MCC: variants seen among roughly 807,000 people sequenced by gnomAD.
MCC encodes the protein colorectal mutant cancer protein.
In MCC, 90 loss-of-function variants were observed where a neutral mutation model predicts 116.2. That is an observed-to-expected ratio of 0.77 (90% CI 0.65 to 0.92). The LOEUF (loss-of-function observed/expected upper bound fraction) is 0.92, where lower values mean the gene tolerates loss of function less well. Among genes scored for constraint, MCC ranks in the 40% least tolerant of loss-of-function variants. The pLI, the probability that MCC is intolerant of heterozygous loss-of-function variation, is 0.00. For synonymous variants in MCC, 578 were observed against 510.5 expected (o/e 1.13, Z -1.78); for missense variants, 1,516 against 1,312.2 (o/e 1.16, Z -2.40).
chr5:113,408,197 G>A (rs183820557), intron 1 of MCC, among the ~76,000 whole-genome samples: 1 of 152,220 alleles, frequency 6.6e-6, no homozygotes, highest in East Asian at 1.9e-4. Flanking sequence ...AGTACAAGTT[G>A]TACCCCTTAG....
intron 2 of MCC, among the ~76,000 whole-genome samples, chr5:113,375,797 C>T (rs752196819): frequency 1.3e-5 from 2 of 149,774 alleles, no homozygotes; most frequent in Non-Finnish European, 3.0e-5. Flanking sequence ...GGCTCCAGAA[C>T]TTGCACAATT....
In MCC at chr5:113,343,058, G is replaced by C. The variant is rs1392742995; in HGVS notation, c.416-2328C>G. Among the ~76,000 whole-genome samples the C allele has an allele frequency of 2.6e-5, 4 of 152,268 alleles. No individual in the cohort carries two copies. In the East Asian group the frequency reaches 5.8e-4, roughly 22 times the overall value. ...GTACTATGAAATGAGAACATATACA[G>C]ATTACTCTATAATTTACTTGAGAAT... On this transcript the variant is annotated intron_variant, in intron 2 of 18. Coordinates refer to ENST00000408903, the MANE Select transcript of MCC (RefSeq NM_001085377.2).
At chr5:113,034,685 C>A (rs1751208860) in intron 17 of MCC, among the ~76,000 whole-genome samples, 1 of 152,254 alleles carries the variant, frequency 6.6e-6, no homozygotes. Flanking sequence ...TGATGTCTCT[C>A]ATCCTCACCT....
Position 113,023,555 on chromosome 5 carries a change from A to G in MCC, c.*3747T>C, listed in dbSNP as rs897114167. 1.3e-5 allele frequency: 2 copies of G among 152,218 alleles called. No homozygotes were observed. The highest frequency in any genetic ancestry group is 2.9e-5 in the Non-Finnish European group (2 of 68,034). The allele number at this position is 152,218 out of a possible 1,614,324, so 9.4% of individuals were successfully genotyped here. On this transcript the variant is annotated 3_prime_UTR_variant, in exon 19 of 19. Coordinates refer to ENST00000408903, the MANE Select transcript of MCC (RefSeq NM_001085377.2). ...AATTAAGGTCAGTGCAGAAATCTCA[A>G]CCATTACAGAAGTCTCTTACTATTT...
chr5:113,379,808 G>A (rs1178481106), intron 2 of MCC, among the ~76,000 whole-genome samples: 2 of 152,180 alleles, frequency 1.3e-5, no homozygotes, highest in Non-Finnish European at 1.5e-5. Flanking sequence ...CATGGCCTAA[G>A]AGAAGCTTTG....
chr5:113,154,294 C>G (rs768602411), intron 3 of MCC, among the ~76,000 whole-genome samples: 2 of 152,234 alleles, frequency 1.3e-5, no homozygotes, highest in South Asian at 2.1e-4. Context: ...GAAGGAAAAC[C>G]TGTAACAATG....
chr5:113,383,173 T>G (rs1201699883), intron 2 of MCC, among the ~76,000 whole-genome samples: 1 of 152,250 alleles, frequency 6.6e-6, no homozygotes, highest in Non-Finnish European at 1.5e-5. Flanking sequence ...TGTGTACATA[T>G]TTTGATACAC....
At chr5:113,454,712 A>G (rs1024205706) in intron 1 of MCC, among the ~76,000 whole-genome samples, 2 of 152,220 alleles carry the variant, frequency 1.3e-5, no homozygotes, top group Non-Finnish European at 2.9e-5. Flanking sequence ...TCCATCAACT[A>G]TAAAATTTAT....
intron 3 of MCC, among the ~76,000 whole-genome samples, chr5:113,157,539 G>C (rs1324720803): frequency 6.6e-6 from 1 of 152,230 alleles, no homozygotes; most frequent in Admixed American, 6.5e-5. Flanking sequence ...GCACCTCATG[G>C]TGCTGAGGGC....
chr5:113,046,703 AAAAAAAAAG>A (rs1312751076), intron 16 of MCC, among the ~76,000 whole-genome samples: 4 of 146,090 alleles, frequency 2.7e-5, no homozygotes, highest in African/African-American at 1.0e-4. Context: ...AAAAAAAAAA[AAAAAAAAAG>A]AGAGAGATTT....
chr5:113,436,277 C>T (rs1278710036), intron 1 of MCC: 2 of 152,586 alleles, frequency 1.3e-5, no homozygotes, highest in South Asian at 2.1e-4. Flanking sequence ...GCCTCCTTCT[C>T]CTTCCTGCTG....
intron 17 of MCC, among the ~76,000 whole-genome samples, chr5:113,042,258 G>T (rs1751758244): frequency 6.8e-6 from 1 of 147,772 alleles, no homozygotes. Context: ...GATCACTTGA[G>T]CCCAGGAGTT....
At chr5:113,049,503 C>T (rs1223504771) in intron 15 of MCC, among the ~76,000 whole-genome samples, 1 of 152,186 alleles carries the variant, frequency 6.6e-6, no homozygotes, top group Non-Finnish European at 1.5e-5. Flanking sequence ...ATGGACAAGG[C>T]CATGCACTTT....
chr5:113,393,801 G>T (rs963371504), intron 1 of MCC, among the ~76,000 whole-genome samples: 10 of 152,076 alleles, frequency 6.6e-5, no homozygotes, highest in Non-Finnish European at 1.2e-4. Context: ...CTACCTTCTT[G>T]AAACTCTTCC....
chr5:113,123,497 C>T (rs774007582), intron 5 of MCC, among the ~76,000 whole-genome samples: 1 of 152,188 alleles, frequency 6.6e-6, no homozygotes, highest in Non-Finnish European at 1.5e-5. Flanking sequence ...TTTACACTTG[C>T]TAACAGGAAG....
intron 3 of MCC, among the ~76,000 whole-genome samples, chr5:113,221,549 A>G (rs1189754566): frequency 6.6e-6 from 1 of 152,250 alleles, no homozygotes; most frequent in African/African-American, 2.4e-5. Context: ...ACTGGAGGCT[A>G]TGAGATTTTA....
At chr5:113,241,463 G>C (rs1292063650) in intron 3 of MCC, among the ~76,000 whole-genome samples, 1 of 152,158 alleles carries the variant, frequency 6.6e-6, no homozygotes, top group Non-Finnish European at 1.5e-5. Flanking sequence ...GAAACCCAGA[G>C]AGGCTCAGGT....
intron 3 of MCC, among the ~76,000 whole-genome samples, chr5:113,174,320 G>A (rs1211777169): frequency 2.0e-5 from 3 of 152,166 alleles, no homozygotes. Context: ...AGGCTGGATG[G>A]AGTCATTGTG....
At chr5:113,093,396 T>G (rs186575915) in intron 8 of MCC, among the ~76,000 whole-genome samples, 1 of 152,256 alleles carries the variant, frequency 6.6e-6, no homozygotes, top group East Asian at 1.9e-4. Flanking sequence ...TGATTACACC[T>G]GTCAATAGCC....
Sources: gnomAD v4.1 joint callset for allele counts (sites outside exome capture counted in the v4.1 genomes callset) on GRCh38, gnomAD v4.1.1 for gene constraint, MANE v1.5 for transcripts, NCBI Gene and HGNC (gene_info 2026-07-23, HGNC 2026-07-21) for gene names.